VPS35L: variants seen among roughly 807,000 people sequenced by gnomAD.
The protein encoded by VPS35L is VPS35 endosomal protein sorting factor like.
A neutral mutation model predicts 133.0 loss-of-function variants in VPS35L; 83 were observed. That is an observed-to-expected ratio of 0.62 (90% CI 0.52 to 0.75). The LOEUF (loss-of-function observed/expected upper bound fraction) is 0.75. Ranked by LOEUF, VPS35L falls within the 30% of genes least tolerant of loss-of-function variation. VPS35L has a pLI of 0.00. For synonymous variants in VPS35L, 423 were observed against 449.9 expected (o/e 0.94, Z 0.76); for missense variants, 1,083 against 1,206.8 (o/e 0.90, Z 1.52).
intron 26 of VPS35L, among the ~76,000 whole-genome samples, chr16:19,661,011 A>G (rs992794430): frequency 1.3e-5 from 2 of 151,408 alleles, no homozygotes; most frequent in African/African-American, 4.8e-5. Flanking sequence ...TTATTCTTGT[A>G]TGCTCTCTGC....
intron 29 of VPS35L, among the ~76,000 whole-genome samples, chr16:19,693,838 A>C (rs999286384): frequency 4.6e-5 from 7 of 151,660 alleles, no homozygotes; most frequent in African/African-American, 1.7e-4. Context: ...AGTCCCAGCT[A>C]CTGGAGAGGC....
intron 9 of VPS35L, among the ~76,000 whole-genome samples, chr16:19,603,392 CAA>C (rs1480525705): frequency 6.6e-6 from 1 of 152,160 alleles, no homozygotes; most frequent in African/African-American, 2.4e-5. Flanking sequence ...CACCGGATTT[CAA>C]AGAGTCAGTA....
intron 27 of VPS35L, 80 bp from the exon 28 acceptor site, chr16:19,682,145 C>T: frequency 6.7e-7 from 1 of 1,482,840 alleles, no homozygotes; most frequent in Non-Finnish European, 9.3e-7. Context: ...GCGGGAGGAT[C>T]TGGGCTTCTG....
chr16:19,645,490 T>C (rs943405534), intron 23 of VPS35L, among the ~76,000 whole-genome samples: 1 of 152,036 alleles, frequency 6.6e-6, no homozygotes, highest in Non-Finnish European at 1.5e-5. Flanking sequence ...GGGGTTTCAC[T>C]GTGTTAGCCA....
At chr16:19,575,164 A>G (rs1971491485) in intron 5 of VPS35L, 42 bp downstream of exon 5, 1 of 1,580,400 alleles carries the variant, frequency 6.3e-7, no homozygotes, top group South Asian at 1.1e-5. Flanking sequence ...AAATTCTGGC[A>G]TTACTTTTAG....
intron 8 of VPS35L, among the ~76,000 whole-genome samples, chr16:19,599,876 C>T (rs797011621): frequency 2.0e-4 from 31 of 152,190 alleles, no homozygotes; most frequent in African/African-American, 7.0e-4. Flanking sequence ...GAAATCCCAT[C>T]TCTACAAAAA....
intron 3 of VPS35L, 56 bp from the exon 4 acceptor site, chr16:19,573,063 A>G (rs1597315639): frequency 3.2e-6 from 5 of 1,564,094 alleles, no homozygotes; most frequent in South Asian, 2.3e-5. Flanking sequence ...ATATATGTAT[A>G]TATTTAAAGA....
chr16:19,688,662 G>A (rs1451061302), intron 28 of VPS35L, among the ~76,000 whole-genome samples: 5 of 152,158 alleles, frequency 3.3e-5, no homozygotes, highest in African/African-American at 1.2e-4. Context: ...CTTTAGCCTG[G>A]GGGTTCAGAT....
intron 29 of VPS35L, among the ~76,000 whole-genome samples, chr16:19,693,599 G>C (rs1228962115): frequency 2.0e-5 from 3 of 152,064 alleles, no homozygotes; most frequent in Non-Finnish European, 4.4e-5. Context: ...TGGCCAACAT[G>C]GCAAAATCCC....
At chr16:19,566,411 A>T (rs1447149205) in intron 2 of VPS35L, among the ~76,000 whole-genome samples, 1 of 152,126 alleles carries the variant, frequency 6.6e-6, no homozygotes, top group East Asian at 1.9e-4. Context: ...GAGGAGAATC[A>T]CTTAAACCCA....
chr16:19,680,032 C>T (rs1209130594), intron 27 of VPS35L, among the ~76,000 whole-genome samples: 1 of 152,216 alleles, frequency 6.6e-6, no homozygotes, highest in East Asian at 1.9e-4. Flanking sequence ...CTTGGTTTAT[C>T]TGCAGAGAGG....
Position 19,569,559 on chromosome 16 carries a change from A to G in VPS35L, c.253A>G (p.Thr85Ala). 3 of 1,582,226 alleles carry G rather than the reference A, an allele frequency of 1.9e-6. No homozygotes were observed. The change falls in exon 3 of 31, where the codon ACT becomes GCT. Residue 85 changes from threonine to alanine, a missense_variant. Coordinates refer to ENST00000417362, the MANE Select transcript of VPS35L (RefSeq NM_020314.7). ...GTDPLSMFAA[T>A]ADPAALAAAM... ...TGACCCCCTCTCCATGTTTGCAGCC[A>G]CTGCTGACCCCGCAGCCTTGGCAGC...
Position 19,639,954 on chromosome 16 carries a change from C to G in VPS35L, c.1699-61C>G. On this transcript the variant is annotated intron_variant, in intron 20 of 30. Transcript: ENST00000417362. This position sits in a 1 kb window ranked among gnomAD's most constrained non-coding sequence, Gnocchi z 4.1. ...TGAACTCCACAGAAAAAGAGACCCA[C>G]AGATTCCTTCCTTCCAATAACTTGT... is the stretch of plus-strand genomic sequence containing the variant. 1 of 1,430,910 alleles carries G rather than the reference C, an allele frequency of 7.0e-7. No homozygotes were observed. Among genetic ancestry groups the G allele is most frequent in the South Asian group, 1.2e-5 (1 of 85,064 alleles). The allele number at this position is 1,430,910 out of a possible 1,614,324, so 88.6% of individuals were successfully genotyped here.
chr16:19,632,429 T>G (rs1973485929), intron 18 of VPS35L, among the ~76,000 whole-genome samples: 1 of 152,234 alleles, frequency 6.6e-6, no homozygotes, highest in South Asian at 2.1e-4. Context: ...TCAAACTGTC[T>G]CCTTCTCTCC....
intron 21 of VPS35L, 44 bp downstream of exon 21, chr16:19,640,144 C>A: frequency 6.5e-7 from 1 of 1,533,122 alleles, no homozygotes; most frequent in Non-Finnish European, 9.0e-7. Context: ...TCCCAATGTC[C>A]TTGTGAAACC....
rs551657944 is a variant in VPS35L at position 19,579,407 on chromosome 16, A to T, written c.510+279A>T. On this transcript the variant is annotated intron_variant, in intron 6 of 30. Transcript: ENST00000417362. ...CAACAGTGTCTAATGGTAAAAACCA[A>T]CTGCAAGGCCAGGCGCGGTGGCTCA... The T allele has an allele frequency of 9.4e-4, 299 of 317,472 alleles. 7 individuals are homozygous for T. The South Asian group carries it at 0.018, about 20-fold the overall frequency. 19.7% of individuals were successfully genotyped at this position (317,472 alleles called of 1,614,324 possible).
intron 26 of VPS35L, among the ~76,000 whole-genome samples, chr16:19,661,446 GT>G (rs1974483212): frequency 6.6e-6 from 1 of 152,140 alleles, no homozygotes; most frequent in South Asian, 2.1e-4. Context: ...AGACAGAGGC[GT>G]ATTGAAAGCC....
chr16:19,633,292 T>G lies in VPS35L; in HGVS notation c.1635+120T>G. 2.2e-6 allele frequency: 2 copies of G among 906,354 alleles called. No homozygotes were observed. Among genetic ancestry groups the G allele is most frequent in the Non-Finnish European group, 3.6e-6 (2 of 562,014 alleles). The allele number at this position is 906,354 out of a possible 1,614,324, so 56.1% of individuals were successfully genotyped here. On this transcript the variant is annotated intron_variant, in intron 19 of 30. Coordinates refer to ENST00000417362, the MANE Select transcript of VPS35L (RefSeq NM_020314.7). The surrounding 1 kb of genome is among the most constrained non-coding windows in gnomAD (Gnocchi z 4.1). Reference sequence around the variant, plus strand: ...TAATCCTGTGTTTGAATCATAGCTCTGCCATATCCTAGCCATGTGCCCTTT... The same window carrying G: ...TAATCCTGTGTTTGAATCATAGCTCGGCCATATCCTAGCCATGTGCCCTTT...
chr16:19,602,300 T>A (rs1972408898), intron 9 of VPS35L, among the ~76,000 whole-genome samples: 1 of 152,106 alleles, frequency 6.6e-6, no homozygotes. Context: ...ATCCTTTGCC[T>A]TTATTCCTCT....
Sources: allele counts gnomAD v4.1 joint callset (sites outside exome capture counted in the v4.1 genomes callset), GRCh38; gene constraint gnomAD v4.1.1; non-coding constraint Gnocchi (gnomAD v3.1); transcripts MANE v1.5; gene names NCBI Gene and HGNC (gene_info 2026-07-23, HGNC 2026-07-21).